The following NDUFA10 variants were observed in gnomAD, a reference collection of about 807,000 sequenced individuals.
NDUFA10 encodes NADH:ubiquinone oxidoreductase subunit A10.
Under a neutral mutation model 47.8 loss-of-function variants are expected in NDUFA10, and 40 were observed. The ratio of observed to expected loss-of-function variants is 0.84; its 90% CI spans 0.65 to 1.09. The LOEUF (loss-of-function observed/expected upper bound fraction) is 1.09. Among genes scored for constraint, NDUFA10 ranks in the 50% least tolerant of loss-of-function variants. The probability of loss-of-function intolerance (pLI) is 0.00; values close to 1 mark genes in which losing one functional copy is unlikely to be tolerated. For missense variants in NDUFA10, 413 were observed against 451.1 expected (o/e 0.92, Z 0.76); for synonymous variants, 183 against 172.2 (o/e 1.06, Z -0.49).
chr2:239,935,104 T>C lies in NDUFA10; in HGVS notation c.295-39790A>G, dbSNP rs76401494. 1.7e-3 allele frequency among the ~76,000 whole-genome samples: 256 copies of C among 152,326 alleles called. 2 individuals are homozygous for C. Among genetic ancestry groups the C allele is most frequent in the African/African-American group, 5.9e-3 (244 of 41,568 alleles). ...CTCTGGTCCGAAATAGCACCTGCCA[T>C]GTCCTTCCTGGCTGTCTCTCAGCGC... On this transcript the variant is annotated intron_variant, in intron 4 of 5. Coordinates refer to the NDUFA10 transcript ENST00000419408.
At chr2:239,920,202 G>A (rs1194449567) in intron 4 of NDUFA10, among the ~76,000 whole-genome samples, 1 of 152,244 alleles carries the variant, frequency 6.6e-6, no homozygotes, top group Non-Finnish European at 1.5e-5. Context: ...CCCCGTGTGA[G>A]GGTTCAGCAG....
chr2:239,898,586 A>G (rs1031446025), intron 4 of NDUFA10, among the ~76,000 whole-genome samples: 2 of 152,072 alleles, frequency 1.3e-5, no homozygotes, highest in African/African-American at 4.8e-5. Flanking sequence ...CAGGCAAGGA[A>G]CGCCTCTCCA....
chr2:240,011,914 A>G (rs1433819974), intron 5 of NDUFA10: 8 of 582,002 alleles, frequency 1.4e-5, no homozygotes, highest in Non-Finnish European at 2.5e-5. Context: ...AAGTGCTCCC[A>G]TAGCGTGACT....
At chr2:239,924,704 T>G (rs535207004) in intron 4 of NDUFA10, among the ~76,000 whole-genome samples, 4 of 152,172 alleles carry the variant, frequency 2.6e-5, no homozygotes, top group African/African-American at 7.2e-5. Flanking sequence ...AAATCCTAAC[T>G]AGAGTAGTAA....
Position 239,961,346 on chromosome 2 carries a change from G to A in NDUFA10, c.1000-160C>T, listed in dbSNP as rs1023629540. 6.6e-5 allele frequency among the ~76,000 whole-genome samples: 10 copies of A among 152,252 alleles called. No homozygotes were observed. In the South Asian group the frequency reaches 8.3e-4, roughly 13 times the overall value. ...TGGCAGGTGTCTCCTGTGAGTGCAAGGATGCCACAGGTACACAAACCACAA... is the reference window on the plus strand; with the variant it reads ...TGGCAGGTGTCTCCTGTGAGTGCAAAGATGCCACAGGTACACAAACCACAA... On this transcript the variant is annotated intron_variant, in intron 9 of 9. Coordinates refer to ENST00000252711, the MANE Select transcript of NDUFA10 (RefSeq NM_004544.4).
chr2:239,994,800 T>C (rs1015560054), intron 8 of NDUFA10, among the ~76,000 whole-genome samples: 5 of 151,966 alleles, frequency 3.3e-5, no homozygotes, highest in Non-Finnish European at 5.9e-5. Context: ...CACACAAATA[T>C]AGGCATCTAG....
intron 4 of NDUFA10, among the ~76,000 whole-genome samples, chr2:239,943,718 C>A (rs1465834043): frequency 6.6e-6 from 1 of 152,184 alleles, no homozygotes; most frequent in East Asian, 1.9e-4. Flanking sequence ...TCAGCACCGA[C>A]CGCCCCTCCT....
intron 9 of NDUFA10, among the ~76,000 whole-genome samples, chr2:239,976,344 C>CT (rs1311225055): frequency 6.6e-6 from 1 of 152,226 alleles, no homozygotes; most frequent in Non-Finnish European, 1.5e-5. Flanking sequence ...GTTCTGTCTC[C>CT]TTTCCCTTCA....
chr2:239,894,804 T>A (rs1236307199), intron 5 of NDUFA10, among the ~76,000 whole-genome samples: 4 of 152,156 alleles, frequency 2.6e-5, no homozygotes, highest in African/African-American at 9.7e-5. Flanking sequence ...TAATGTCATA[T>A]CTTTTTATGG....
chr2:239,938,071 A>G (rs1388903398), intron 4 of NDUFA10, among the ~76,000 whole-genome samples: 1 of 152,088 alleles, frequency 6.6e-6, no homozygotes, highest in Non-Finnish European at 1.5e-5. Flanking sequence ...ACGCCAGGAC[A>G]GCCTCGGGGA....
At chr2:239,936,261 G>A (rs73101778) in intron 4 of NDUFA10, among the ~76,000 whole-genome samples, 2,669 of 152,312 alleles carry the variant, frequency 0.018, 77 homozygotes, top group African/African-American at 0.061. Flanking sequence ...GGTCTCTGCT[G>A]GCTTTCCTCA....
At chr2:239,967,380 C>T (rs1695119126) in intron 9 of NDUFA10, among the ~76,000 whole-genome samples, 1 of 152,222 alleles carries the variant, frequency 6.6e-6, no homozygotes, top group African/African-American at 2.4e-5. Flanking sequence ...CTGGCACAAC[C>T]TGGCCCATGC....
In NDUFA10 at chr2:239,988,993, ACACT is replaced by A. The variant is rs552434925; in HGVS notation, c.999+1077_999+1080del. Among the ~76,000 whole-genome samples the A allele has an allele frequency of 1.4e-4, 20 of 143,234 alleles. No homozygotes were observed. The South Asian group carries it at 3.7e-3, about 26-fold the overall frequency. The allele number at this position is 143,234 out of a possible 152,430, so 94.0% of individuals were successfully genotyped here. ...AAGGACAGAAAGGGAGAAACAGCAC[ACACT>A]CACACACGTGTACAAGGACAGATAA... On this transcript the variant is annotated intron_variant, in intron 9 of 9. Transcript: ENST00000252711.
chr2:240,011,952 T>C, intron 5 of NDUFA10: 2 of 488,122 alleles, frequency 4.1e-6, no homozygotes, highest in East Asian at 4.0e-5. Context: ...GATGTATACT[T>C]AGGGCAAGAA....
At chr2:239,956,938 C>T (rs1453226112), downstream of NDUFA10, among the ~76,000 whole-genome samples, 1 of 152,214 alleles carries the variant, frequency 6.6e-6, no homozygotes, top group Non-Finnish European at 1.5e-5. Flanking sequence ...GCAGGTCCTC[C>T]TCTCCCTGAC....
intron 8 of NDUFA10, among the ~76,000 whole-genome samples, chr2:239,991,094 C>CA (rs1696226595): frequency 6.6e-6 from 1 of 152,134 alleles, no homozygotes; most frequent in African/African-American, 2.4e-5. Context: ...AGTCCAGGCC[C>CA]ACTGAGCAAA....
rs146374574 is a variant in NDUFA10 at position 239,975,891 on chromosome 2, G to A, written c.999+14183C>T. ...CCAGACCGTCGGTTCTGTATCTCTC[G>A]CTGTTCCCAACCAAAGCCACAGCAC... On this transcript the variant is annotated intron_variant, in intron 9 of 9. Coordinates refer to ENST00000252711, the MANE Select transcript of NDUFA10 (RefSeq NM_004544.4). 6.0e-3 allele frequency among the ~76,000 whole-genome samples: 919 copies of A among 152,138 alleles called. 5 individuals are homozygous for A. The highest frequency in any genetic ancestry group is 0.021 in the African/African-American group (877 of 41,496).
At chr2:239,900,384 G>A (rs914540876) in intron 4 of NDUFA10, among the ~76,000 whole-genome samples, 16 of 136,752 alleles carry the variant, frequency 1.2e-4, no homozygotes, top group African/African-American at 4.4e-4. Context: ...CTGTCCCTCT[G>A]GAGAACCTTG....
chr2:239,922,043 T>C (rs1693997876), intron 4 of NDUFA10, among the ~76,000 whole-genome samples: 1 of 141,990 alleles, frequency 7.0e-6, no homozygotes, highest in South Asian at 2.5e-4. Flanking sequence ...CTTCCTTCCC[T>C]TCTTCCCTCC....
Sources: gnomAD v4.1 joint callset for allele counts (sites outside exome capture counted in the v4.1 genomes callset) on GRCh38, gnomAD v4.1.1 for gene constraint, MANE v1.5 for transcripts, NCBI Gene and HGNC (gene_info 2026-07-23, HGNC 2026-07-21) for gene names.